Variants in DCLK1 observed in about 807,000 individuals in gnomAD.
DCLK1 encodes the protein doublecortin like kinase 1, also known as serine/threonine-protein kinase DCLK1.
In DCLK1, 16 loss-of-function variants were observed where a neutral mutation model predicts 86.2. The ratio of observed to expected loss-of-function variants is 0.19; its 90% CI spans 0.13 to 0.28. DCLK1 has a LOEUF of 0.28. Among genes scored for constraint, DCLK1 ranks in the 10% least tolerant of loss-of-function variants. The probability of loss-of-function intolerance (pLI) is 1.00; values close to 1 mark genes in which losing one functional copy is unlikely to be tolerated. For missense variants in DCLK1, 590 were observed against 940.2 expected (o/e 0.63, Z 4.87); for synonymous variants, 369 against 370.5 (o/e 1.00, Z 0.05).
chr13:35,818,276 T>C (rs961271450), intron 11 of DCLK1, among the ~76,000 whole-genome samples: 4 of 152,156 alleles, frequency 2.6e-5, no homozygotes, highest in Non-Finnish European at 1.5e-5. Context: ...TTAAGAGTCA[T>C]GGGATTAAGG....
chr13:35,776,439 T>C (rs1349243643), intron 16 of DCLK1, among the ~76,000 whole-genome samples: 1 of 152,196 alleles, frequency 6.6e-6, no homozygotes, highest in Non-Finnish European at 1.5e-5. Context: ...AAAAAAGTCA[T>C]TGGCATTGGA....
intron 6 of DCLK1, chr13:35,849,424 A>G: frequency 2.0e-6 from 2 of 985,364 alleles, no homozygotes; most frequent in Non-Finnish European, 2.4e-6. Flanking sequence ...ACCTACTGAG[A>G]TATGTCAAGC....
At chr13:35,804,893 AT>A (rs1172687607) in intron 15 of DCLK1, among the ~76,000 whole-genome samples, 1 of 152,090 alleles carries the variant, frequency 6.6e-6, no homozygotes, top group Non-Finnish European at 1.5e-5. Flanking sequence ...CATCGGGGAG[AT>A]TTTAGAAATG....
chr13:36,022,812 T>C (rs1227176111), intron 3 of DCLK1, among the ~76,000 whole-genome samples: 1 of 152,124 alleles, frequency 6.6e-6, no homozygotes, highest in Non-Finnish European at 1.5e-5. Context: ...CACTAATAAA[T>C]TATATCAAAC....
In DCLK1 at chr13:35,908,009, C is replaced by T. The variant is rs533420801; in HGVS notation, c.824-36669G>A. Among the ~76,000 whole-genome samples, 13 of 151,918 alleles carry T rather than the reference C, an allele frequency of 8.6e-5. No individual in the cohort carries two copies. In the South Asian group the frequency reaches 1.7e-3, roughly 19 times the overall value. ...TCCTCCTTGTTCTGGGGTGGCTTTG[C>T]GATTTTAGTCTAGACGTATTCATAC... On this transcript the variant is annotated intron_variant, in intron 4 of 16. Transcript: ENST00000360631.
intron 4 of DCLK1, among the ~76,000 whole-genome samples, chr13:35,916,724 A>T (rs1875435699): frequency 6.6e-6 from 1 of 152,118 alleles, no homozygotes; most frequent in African/African-American, 2.4e-5. Flanking sequence ...CATACATATT[A>T]CATATGTGAT....
chr13:35,930,861 C>A (rs1349577389), intron 4 of DCLK1, among the ~76,000 whole-genome samples: 2 of 152,194 alleles, frequency 1.3e-5, no homozygotes, highest in Non-Finnish European at 2.9e-5. Flanking sequence ...CAAACATTTT[C>A]TTTGCCTTGA....
At chr13:36,081,745 T>G (rs1409052396) in intron 3 of DCLK1, among the ~76,000 whole-genome samples, 3 of 152,210 alleles carry the variant, frequency 2.0e-5, no homozygotes, top group African/African-American at 7.2e-5. Context: ...ATATGCTCTC[T>G]AACTTCTTCT....
At chr13:35,789,773 G>A (rs956879903) in intron 16 of DCLK1, among the ~76,000 whole-genome samples, 1 of 152,120 alleles carries the variant, frequency 6.6e-6, no homozygotes, top group African/African-American at 2.4e-5. Context: ...ATCTAATAAT[G>A]CCTCTCTCTC....
In DCLK1 at chr13:35,936,962, C is replaced by CTTTTTTTTTTTTTT. The variant is rs140269668; in HGVS notation, c.823+10382_823+10395dup. Among the ~76,000 whole-genome samples the CTTTTTTTTTTTTTT allele has an allele frequency of 5.5e-4, 36 of 65,732 alleles. 2 individuals are homozygous for CTTTTTTTTTTTTTT. The highest frequency in any genetic ancestry group is 1.7e-3 in the African/African-American group (33 of 18,890). The allele number at this position is 65,732 out of a possible 152,430, so 43.1% of individuals were successfully genotyped here. A position where few individuals can be genotyped will look rare whatever the true frequency, so the allele number is the denominator to read the frequency against. Reference sequence around the variant, plus strand: ...TTAAAACATCCAAAAGAAAAGTTAGCTTTTTTTTTTTTTTTTTTTTTTTTT... The same window carrying CTTTTTTTTTTTTTT: ...TTAAAACATCCAAAAGAAAAGTTAGCTTTTTTTTTTTTTTTTTTTTTTTTTTTTTTTTTTTTTTT... On this transcript the variant is annotated intron_variant, in intron 4 of 16. Transcript: ENST00000360631.
rs1348595319 is a variant in DCLK1, at chr13:36,045,348, A to C, written c.723+66521T>G. ...TGTGTGTGTGTATATATATATATAT[A>C]TATATATATATATATATATATATAT... On this transcript the variant is annotated intron_variant, in intron 3 of 16. Coordinates refer to ENST00000360631, the MANE Select transcript of DCLK1 (RefSeq NM_001330071.2). Among the ~76,000 whole-genome samples, 5 of 108,498 alleles carry C rather than the reference A, an allele frequency of 4.6e-5. No individual in the cohort carries two copies. In the South Asian group the frequency reaches 8.4e-4, roughly 18 times the overall value. 71.2% of individuals were successfully genotyped at this position (108,498 alleles called of 152,430 possible). A position where few individuals can be genotyped will look rare whatever the true frequency, so the allele number is the denominator to read the frequency against.
At position 35,808,275 on chromosome 13, in the gene DCLK1, C is replaced by T. The variant is rs775414962; in HGVS notation, c.1812G>A (p.Gly604=). The change falls in exon 14 of 17, where the codon GGG becomes GGA. Residue 604 remains glycine (G), a synonymous_variant. Coordinates refer to ENST00000360631, the MANE Select transcript of DCLK1 (RefSeq NM_001330071.2). ...QEVLFDQILM[G]QVDFPSPYWD... is the part of the protein sequence containing the mutation. ...AGTATGGAGAAGGAAAGTCCACCTG[C>T]CCCATCAAAATCTGATCAAAAAGCA... 6 of 1,613,948 alleles carry T rather than the reference C, an allele frequency of 3.7e-6. No individual in the cohort carries two copies. The East Asian group carries it at 1.1e-4, about 30-fold the overall frequency.
At chr13:36,128,161 T>A (rs1886253121) in intron 1 of DCLK1, among the ~76,000 whole-genome samples, 1 of 152,158 alleles carries the variant, frequency 6.6e-6, no homozygotes, top group South Asian at 2.1e-4. Context: ...AGAGATTTGG[T>A]ACTCCAGAAA....
Position 35,809,026 on chromosome 13 carries a change from T to C in DCLK1, c.1758A>G (p.Pro586=), listed in dbSNP as rs752055518. The change falls in exon 13 of 17, where the codon CCA becomes CCG. Residue 586 remains proline (P), a synonymous_variant. Transcript: ENST00000360631. ...ITYILLCGFP[P]FRGSGDDQEV... is the part of the protein sequence containing the mutation. The stretch of plus-strand genomic sequence containing the variant: ...AAGATTGTTGCCCATACCCACGGAA[T>C]GGAGGGAAACCACACAGCAGGATAT... 1.9e-6 allele frequency: 3 copies of C among 1,611,530 alleles called. No individual in the cohort carries two copies. Among genetic ancestry groups the C allele is most frequent in the African/African-American group, 2.7e-5 (2 of 74,850 alleles).
At chr13:36,001,953 G>A (rs1429180869) in intron 3 of DCLK1, among the ~76,000 whole-genome samples, 1 of 151,856 alleles carries the variant, frequency 6.6e-6, no homozygotes, top group Non-Finnish European at 1.5e-5. Context: ...CCTTTTTGTT[G>A]TTGTACAAAG....
intron 3 of DCLK1, among the ~76,000 whole-genome samples, chr13:36,071,644 T>C (rs1263673805): frequency 7.2e-5 from 11 of 152,174 alleles, no homozygotes; most frequent in Admixed American, 7.2e-4. Flanking sequence ...TTAAGTCTCA[T>C]AATAACTCTA....
chr13:36,123,542 T>C (rs779960083), intron 2 of DCLK1, among the ~76,000 whole-genome samples: 3 of 152,238 alleles, frequency 2.0e-5, no homozygotes, highest in African/African-American at 7.2e-5. Flanking sequence ...GTTGAATTCA[T>C]AGCACACAGC....
At chr13:35,920,360 T>C (rs1875726835) in intron 4 of DCLK1, among the ~76,000 whole-genome samples, 1 of 151,996 alleles carries the variant, frequency 6.6e-6, no homozygotes, top group Non-Finnish European at 1.5e-5. Context: ...CCTAATTGGG[T>C]TTTCTAAGTA....
intron 3 of DCLK1, among the ~76,000 whole-genome samples, chr13:36,068,414 T>A (rs1406919775): frequency 6.6e-6 from 1 of 152,190 alleles, no homozygotes; most frequent in Non-Finnish European, 1.5e-5. Context: ...GTGAATATAA[T>A]CCTCTCTAAA....
Sources: gnomAD v4.1 joint callset for allele counts (sites outside exome capture counted in the v4.1 genomes callset) on GRCh38, gnomAD v4.1.1 for gene constraint, MANE v1.5 for transcripts, NCBI Gene and HGNC (gene_info 2026-07-23, HGNC 2026-07-21) for gene names.